FER: variants seen among roughly 807,000 people sequenced by gnomAD.
The protein encoded by FER is tyrosine-protein kinase Fer.
Under a neutral mutation model 111.0 loss-of-function variants are expected in FER, and 63 were observed. The ratio of observed to expected loss-of-function variants is 0.57; its 90% CI spans 0.46 to 0.70. The LOEUF is 0.70. Ranked by LOEUF, FER falls within the 30% of genes least tolerant of loss-of-function variation. The pLI is 0.00. For synonymous variants in FER, 327 were observed against 313.9 expected, an observed-to-expected ratio of 1.04 and a Z score of -0.44; for missense variants, 914 against 954.0, an observed-to-expected ratio of 0.96 and a Z score of 0.55.
chr5:108,900,023 C>T (rs1333282911), intron 10 of FER, among the ~76,000 whole-genome samples: 3 of 152,226 alleles, frequency 2.0e-5, no homozygotes, highest in Non-Finnish European at 4.4e-5. Context: ...CTGCATATTT[C>T]ATTTTATCAA....
intron 17 of FER, among the ~76,000 whole-genome samples, chr5:109,119,577 T>C (rs1290218732): frequency 6.6e-6 from 1 of 152,184 alleles, no homozygotes; most frequent in Non-Finnish European, 1.5e-5. Context: ...TAACTTTCTG[T>C]CTCGTTGATC....
intron 16 of FER, among the ~76,000 whole-genome samples, chr5:109,050,539 A>T (rs1473756617): frequency 1.3e-5 from 2 of 152,240 alleles, no homozygotes; most frequent in African/African-American, 4.8e-5. Context: ...AAGAAAAAAA[A>T]TGTTAAGTGA....
At chr5:108,905,219 C>G (rs1750585689) in intron 10 of FER, among the ~76,000 whole-genome samples, 1 of 152,034 alleles carries the variant, frequency 6.6e-6, no homozygotes, top group Admixed American at 6.6e-5. Context: ...CTTAAACTTT[C>G]AAAGTGTTTT....
At chr5:109,125,302 G>C (rs1751569607) in intron 17 of FER, among the ~76,000 whole-genome samples, 1 of 152,024 alleles carries the variant, frequency 6.6e-6, no homozygotes, top group Admixed American at 6.5e-5. Flanking sequence ...GTTTTGTGAA[G>C]TATTATTTGG....
chr5:109,127,552 C>T (rs950467310), intron 17 of FER, among the ~76,000 whole-genome samples: 8 of 151,934 alleles, frequency 5.3e-5, no homozygotes, highest in South Asian at 2.1e-4. Context: ...TACAGGCACG[C>T]GCCACCACAT....
intron 13 of FER, among the ~76,000 whole-genome samples, chr5:108,985,421 A>T (rs1762458337): frequency 6.6e-6 from 1 of 151,984 alleles, no homozygotes; most frequent in Admixed American, 6.6e-5. Flanking sequence ...CCACTTTTTA[A>T]AAGTTTTTTT....
intron 17 of FER, among the ~76,000 whole-genome samples, chr5:109,101,396 C>T (rs1748216390): frequency 6.6e-6 from 1 of 151,838 alleles, no homozygotes; most frequent in Admixed American, 6.6e-5. Context: ...AATCATTGTC[C>T]AGGCTTTGCT....
chr5:109,176,629 A>G (rs989434569), intron 17 of FER, among the ~76,000 whole-genome samples: 11 of 152,218 alleles, frequency 7.2e-5, no homozygotes, highest in African/African-American at 2.7e-4. Context: ...GGAAGATTTC[A>G]GTGTTCATGA....
intron 17 of FER, among the ~76,000 whole-genome samples, chr5:109,124,813 G>A (rs1314809741): frequency 3.3e-5 from 5 of 152,092 alleles, no homozygotes; most frequent in Admixed American, 1.3e-4. Flanking sequence ...TTGGGAGGCC[G>A]AGACAGGTGG....
chr5:108,792,820 T>G (rs1045065467), intron 2 of FER, among the ~76,000 whole-genome samples: 2 of 151,950 alleles, frequency 1.3e-5, no homozygotes, highest in Non-Finnish European at 2.9e-5. Context: ...TGTATAAATA[T>G]AATTTATTTT....
chr5:108,863,168 G>A (rs113160450), intron 5 of FER, among the ~76,000 whole-genome samples: 33,514 of 151,998 alleles, frequency 0.22, 3,888 homozygotes, highest in African/African-American at 0.28. Flanking sequence ...TGCCCAGGCT[G>A]GAGTGAAGAG....
chr5:108,975,547 G>A (rs946179257), intron 13 of FER, among the ~76,000 whole-genome samples: 2 of 152,082 alleles, frequency 1.3e-5, no homozygotes, highest in African/African-American at 4.8e-5. Context: ...CATCCTAAAG[G>A]GTTTGATCTT....
At chr5:109,088,818 A>T (rs1249109270) in intron 16 of FER, among the ~76,000 whole-genome samples, 1 of 152,154 alleles carries the variant, frequency 6.6e-6, no homozygotes, top group Admixed American at 6.6e-5. Context: ...AATTATAGAC[A>T]ATTCATATAA....
At chr5:108,903,785 T>G (rs545104652) in intron 10 of FER, among the ~76,000 whole-genome samples, 1 of 152,318 alleles carries the variant, frequency 6.6e-6, no homozygotes, top group East Asian at 1.9e-4. Flanking sequence ...TGTAAGATTA[T>G]TTTACATATT....
rs374282780 is a variant in FER at position 108,798,377 on chromosome 5, C to T, written c.195C>T (p.Ser65=). 16 of 1,610,528 alleles carry T rather than the reference C, an allele frequency of 9.9e-6. No individual in the cohort carries two copies. Among genetic ancestry groups the T allele is most frequent in the Admixed American group, 1.7e-5 (1 of 59,934 alleles). Residue 65 remains serine (S), a synonymous_variant, in exon 3 of 20, where the codon AGC becomes AGT. Transcript: ENST00000281092. ...KESTVQMNYV[S]NVSKSWLLMI... is the part of the protein sequence containing the mutation. ...GTACTGTCCAAATGAATTATGTCAG[C>T]AACGTATCCAAGGTAAGAAGAATAA...
chr5:109,066,859 C>T (rs1775152513), intron 16 of FER, among the ~76,000 whole-genome samples: 1 of 151,754 alleles, frequency 6.6e-6, no homozygotes, highest in South Asian at 2.1e-4. Context: ...ATATGTTTAA[C>T]AATAATCACA....
chr5:109,144,823 A>G (rs138793409), intron 17 of FER, among the ~76,000 whole-genome samples: 1,812 of 152,210 alleles, frequency 0.012, 18 homozygotes, highest in Non-Finnish European at 0.02. Context: ...GACAAATACA[A>G]ATATCTTTTG....
At chr5:108,799,638 A>G (rs1756413463) in intron 3 of FER, among the ~76,000 whole-genome samples, 1 of 152,190 alleles carries the variant, frequency 6.6e-6, no homozygotes, top group Admixed American at 6.5e-5. Flanking sequence ...CTGAAATTCA[A>G]ATTTAACTGG....
chr5:109,058,386 A>G (rs1467818952), intron 16 of FER, among the ~76,000 whole-genome samples: 1 of 152,186 alleles, frequency 6.6e-6, no homozygotes, highest in African/African-American at 2.4e-5. Flanking sequence ...AGTAAAAGGC[A>G]TCTTTTAATT....
Sources: gnomAD v4.1 joint callset for allele counts (sites outside exome capture counted in the v4.1 genomes callset) on GRCh38, gnomAD v4.1.1 for gene constraint, MANE v1.5 for transcripts, NCBI Gene and HGNC (gene_info 2026-07-23, HGNC 2026-07-21) for gene names.